The following ATP9B variants were observed in gnomAD, a reference collection of about 807,000 sequenced individuals.
ATP9B encodes the protein probable phospholipid-transporting ATPase IIB.
In ATP9B, 110 loss-of-function variants were observed where a neutral mutation model predicts 146.1. That is an observed-to-expected ratio of 0.75 (90% CI 0.65 to 0.88). ATP9B has a LOEUF of 0.88. Ranked by LOEUF, ATP9B falls within the 40% of genes least tolerant of loss-of-function variation. The pLI is 0.00. For missense variants in ATP9B, 1,499 were observed against 1,496.4 expected (o/e 1.00, Z -0.03); for synonymous variants, 604 against 569.7 (o/e 1.06, Z -0.86).
intron 15 of ATP9B, among the ~76,000 whole-genome samples, chr18:79,322,432 C>T (rs898838191): frequency 2.6e-5 from 4 of 152,208 alleles, no homozygotes; most frequent in Non-Finnish European, 5.9e-5. Context: ...ATTCTCCTGG[C>T]CGCACCCTCG....
rs145192036 is a variant in ATP9B, at chr18:79,371,774, GT to G, written c.3013-1048del. Reference sequence around the variant, plus strand: ...CTGTGTCCCCTGAGCTTCCGTGAGGGTTTGTCTTTCCTCTGTGGCTCTTTAA... The same window carrying G: ...CTGTGTCCCCTGAGCTTCCGTGAGGGTTGTCTTTCCTCTGTGGCTCTTTAA... On this transcript the variant is annotated intron_variant, in intron 26 of 29. Transcript: ENST00000426216. Among the ~76,000 whole-genome samples the G allele has an allele frequency of 7.5e-3, 1,144 of 152,312 alleles. 17 individuals carry two copies. The highest frequency in any genetic ancestry group is 0.026 in the African/African-American group (1,099 of 41,566).
At chr18:79,148,731 G>A (rs549315352) in intron 6 of ATP9B, among the ~76,000 whole-genome samples, 2 of 152,076 alleles carry the variant, frequency 1.3e-5, no homozygotes, top group African/African-American at 4.8e-5. Context: ...AATAAAAGAT[G>A]GATTAGAAAA....
At chr18:79,111,733 A>G (rs1431346178) in intron 3 of ATP9B, among the ~76,000 whole-genome samples, 1 of 152,194 alleles carries the variant, frequency 6.6e-6, no homozygotes, top group African/African-American at 2.4e-5. Flanking sequence ...GATCAGTGTA[A>G]GTCCACACAG....
At chr18:79,323,446 T>A (rs143233840) in intron 15 of ATP9B, among the ~76,000 whole-genome samples, 1 of 152,296 alleles carries the variant, frequency 6.6e-6, no homozygotes, top group East Asian at 1.9e-4. Context: ...ATCCCCAATA[T>A]CCTCAATGTC....
intron 27 of ATP9B, 119 bp from the exon 28 acceptor site, chr18:79,373,779 G>C: frequency 9.8e-7 from 1 of 1,015,384 alleles, no homozygotes; most frequent in Non-Finnish European, 1.5e-6. Context: ...ATGAGCTGCT[G>C]CGCCTGGCCT....
intron 13 of ATP9B, among the ~76,000 whole-genome samples, chr18:79,280,837 A>T (rs973590223): frequency 2.0e-5 from 3 of 152,216 alleles, no homozygotes; most frequent in Non-Finnish European, 4.4e-5. Flanking sequence ...AAGTTCTTAA[A>T]TCTCTGCATT....
chr18:79,175,311 T>G (rs1257671949), intron 7 of ATP9B, among the ~76,000 whole-genome samples: 1 of 152,190 alleles, frequency 6.6e-6, no homozygotes, highest in African/African-American at 2.4e-5. Flanking sequence ...CTGCTTTTTA[T>G]TTTTTAGGAG....
intron 13 of ATP9B, among the ~76,000 whole-genome samples, chr18:79,290,007 T>C (rs970301253): frequency 6.6e-6 from 1 of 152,082 alleles, no homozygotes; most frequent in Admixed American, 6.6e-5. Context: ...CTGTGTGAGG[T>C]GTCAGTCTGC....
intron 7 of ATP9B, among the ~76,000 whole-genome samples, chr18:79,161,672 C>G (rs1055048858): frequency 6.6e-6 from 1 of 152,098 alleles, no homozygotes; most frequent in East Asian, 1.9e-4. Context: ...CATGGTGAAA[C>G]GCCATCTCTA....
At chr18:79,348,297 TAC>T (rs2096903297) in intron 25 of ATP9B, 101 bp downstream of exon 25, 1 of 1,131,528 alleles carries the variant, frequency 8.8e-7, no homozygotes, top group Non-Finnish European at 1.3e-6. Context: ...AGATTCTTGA[TAC>T]AGTCATCATT....
chr18:79,146,306 G>C (rs2094585020), intron 6 of ATP9B: 2 of 165,296 alleles, frequency 1.2e-5, no homozygotes, highest in East Asian at 2.5e-4. Context: ...GACTGAAGGT[G>C]CAAGCTGCAT....
chr18:79,080,045 CTTGTAGTATAGTTTGAA>C (rs1217602426), intron 1 of ATP9B, among the ~76,000 whole-genome samples: 1 of 152,068 alleles, frequency 6.6e-6, no homozygotes, highest in Non-Finnish European at 1.5e-5. Flanking sequence ...TTACTGTAGC[CTTGTAGTATAGTTTGAA>C]GTCAGATAGC....
At chr18:79,261,896 A>C (rs866567987) in intron 12 of ATP9B, among the ~76,000 whole-genome samples, 1 of 152,144 alleles carries the variant, frequency 6.6e-6, no homozygotes, top group African/African-American at 2.4e-5. Context: ...ACTTTATAAT[A>C]GGCAGCTCAG....
At chr18:79,157,417 A>AC (rs1447872185) in intron 7 of ATP9B, among the ~76,000 whole-genome samples, 1 of 150,090 alleles carries the variant, frequency 6.7e-6, no homozygotes, top group East Asian at 2.0e-4. Context: ...AAAAAAAAAA[A>AC]AAAAAAACAT....
intron 6 of ATP9B, among the ~76,000 whole-genome samples, chr18:79,150,276 T>C (rs1406630247): frequency 6.6e-6 from 1 of 151,908 alleles, no homozygotes; most frequent in Non-Finnish European, 1.5e-5. Context: ...GAAATACAAA[T>C]AATACAGTTA....
At chr18:79,313,315 C>T (rs2096662791) in intron 15 of ATP9B, among the ~76,000 whole-genome samples, 1 of 152,164 alleles carries the variant, frequency 6.6e-6, no homozygotes, top group Non-Finnish European at 1.5e-5. Context: ...CAGTTGCTGT[C>T]TTCTTAGCAT....
At chr18:79,259,738 C>T (rs1001301603) in intron 12 of ATP9B, among the ~76,000 whole-genome samples, 3 of 152,220 alleles carry the variant, frequency 2.0e-5, no homozygotes, top group South Asian at 2.1e-4. Flanking sequence ...AGCACAGGCA[C>T]AGCAGTCATT....
At chr18:79,375,144 T>C (rs1043223664) in intron 28 of ATP9B, among the ~76,000 whole-genome samples, 1 of 152,244 alleles carries the variant, frequency 6.6e-6, no homozygotes, top group Non-Finnish European at 1.5e-5. Context: ...TAGGTCTCTG[T>C]CTCCTAGGGG....
intron 25 of ATP9B, among the ~76,000 whole-genome samples, chr18:79,349,083 T>C (rs1476838995): frequency 6.6e-6 from 1 of 152,220 alleles, no homozygotes; most frequent in Non-Finnish European, 1.5e-5. Flanking sequence ...TGCTGCTGTA[T>C]CTGCAAAACA....
Sources: allele counts gnomAD v4.1 joint callset (sites outside exome capture counted in the v4.1 genomes callset), GRCh38; gene constraint gnomAD v4.1.1; transcripts MANE v1.5; gene names NCBI Gene and HGNC (gene_info 2026-07-23, HGNC 2026-07-21).